Variants in TBC1D9 observed in about 807,000 individuals in gnomAD.
TBC1D9 encodes TBC1 domain family member 9, also known as TBC1 domain family member 9A.
Under a neutral mutation model 132.0 loss-of-function variants are expected in TBC1D9, and 63 were observed. The observed-to-expected ratio is 0.48, with a 90% confidence interval of 0.39 to 0.59. The LOEUF is 0.59. Ranked by LOEUF, TBC1D9 falls within the 20% of genes least tolerant of loss-of-function variation. The probability of loss-of-function intolerance (pLI) is 0.00; values close to 1 mark genes in which losing one functional copy is unlikely to be tolerated. For synonymous variants in TBC1D9, 610 were observed against 609.9 expected, an observed-to-expected ratio of 1.00 and a Z score of 0.00; for missense variants, 1,261 against 1,592.7, an observed-to-expected ratio of 0.79 and a Z score of 3.54.
At chr4:140,689,515 CCT>C (rs144309893) in intron 2 of TBC1D9, among the ~76,000 whole-genome samples, 14,987 of 106,764 alleles carry the variant, frequency 0.14, 1,358 homozygotes, top group African/African-American at 0.16. Flanking sequence ...TTCCCTTCCC[CCT>C]TTTCCCTTCC....
intron 10 of TBC1D9, 135 bp downstream of exon 10, chr4:140,661,758 T>C: frequency 4.2e-6 from 3 of 712,496 alleles, no homozygotes; most frequent in Non-Finnish European, 4.8e-6. Context: ...GTCCAGAGTG[T>C]CAACAGTGCC....
At chr4:140,743,322 A>C (rs950574963) in intron 1 of TBC1D9, among the ~76,000 whole-genome samples, 4 of 152,184 alleles carry the variant, frequency 2.6e-5, no homozygotes, top group African/African-American at 9.7e-5. Context: ...TGATGGGACA[A>C]TCATCTATGA....
intron 16 of TBC1D9, among the ~76,000 whole-genome samples, chr4:140,631,585 T>C (rs1033081611): frequency 7.0e-6 from 1 of 142,580 alleles, no homozygotes; most frequent in African/African-American, 2.7e-5. Context: ...TTTTCAGAAT[T>C]CATTTTTTAG....
intron 1 of TBC1D9, among the ~76,000 whole-genome samples, chr4:140,723,576 C>T (rs943780021): frequency 8.5e-5 from 13 of 152,120 alleles, no homozygotes; most frequent in Non-Finnish European, 1.2e-4. Flanking sequence ...TCAAGTGATC[C>T]GCCTGCCTCA....
chr4:140,756,017 A>C lies in TBC1D9; in HGVS notation c.29T>G (p.Leu10Arg), dbSNP rs1253491505. The change falls in exon 1 of 21, where the codon CTG (leucine) becomes CGG (arginine). Residue 10 changes from leucine (L) to arginine (R), a missense_variant. By Grantham distance (102) the Leu-to-Arg change is moderately radical. This residue lies in a region of TBC1D9 where 550 missense variants were observed against 699.0 expected (regional missense o/e 0.79). Transcript: ENST00000442267. This position sits in a 1 kb window ranked among gnomAD's most constrained non-coding sequence, Gnocchi z 5.6. The stretch of plus-strand genomic sequence containing the variant: ...CTCGGTGATCCACAGCGCGTTGGCC[A>C]GCAACACCTCCTCCGGGTTCACCCA... MWVNPEEVLLANALWITERA... is the reference protein window; with the variant it reads MWVNPEEVLRANALWITERA... 1.2e-6 allele frequency: 2 copies of C among 1,609,302 alleles called. No homozygotes were observed. Among genetic ancestry groups the C allele is most frequent in the African/African-American group, 2.7e-5 (2 of 74,332 alleles).
At chr4:140,673,962 A>T (rs1487560784) in intron 6 of TBC1D9, among the ~76,000 whole-genome samples, 1 of 152,184 alleles carries the variant, frequency 6.6e-6, no homozygotes, top group Non-Finnish European at 1.5e-5. Flanking sequence ...CGGCTTCCAG[A>T]CCCTCTCTGC....
At chr4:140,668,886 G>C in intron 9 of TBC1D9, 31 bp downstream of exon 9, 1 of 1,610,454 alleles carries the variant, frequency 6.2e-7, no homozygotes. Context: ...CACAGACTTT[G>C]ACGCCAGCAT....
At chr4:140,643,013 G>T in intron 13 of TBC1D9, 1 of 820,688 alleles carries the variant, frequency 1.2e-6, no homozygotes. Context: ...GGACGTCCAT[G>T]TCCTCCACGG....
intron 6 of TBC1D9, among the ~76,000 whole-genome samples, chr4:140,673,186 C>T (rs2111012141): frequency 6.6e-6 from 1 of 151,774 alleles, no homozygotes; most frequent in South Asian, 2.1e-4. Context: ...AAAAAAAATT[C>T]CTTCTCTTGC....
Position 140,669,199 on chromosome 4 carries a change from A to T in TBC1D9, c.1438-132T>A, listed in dbSNP as rs1016369741. The T allele has an allele frequency of 1.2e-5, 11 of 902,250 alleles. No individual in the cohort carries two copies. In the African/African-American group the frequency reaches 1.5e-4, roughly 12 times the overall value. 55.9% of individuals were successfully genotyped at this position (902,250 alleles called of 1,614,324 possible). On this transcript the variant is annotated intron_variant, in intron 8 of 20. Transcript: ENST00000442267. Reference sequence around the variant, plus strand: ...CAGAAAGAAGTCATGAGAAAAAGGAACTCAGATTTTCTGGAGTTCTTCTCT... The same window carrying T: ...CAGAAAGAAGTCATGAGAAAAAGGATCTCAGATTTTCTGGAGTTCTTCTCT...
chr4:140,644,336 G>T (rs773633327), intron 13 of TBC1D9: 16 of 277,540 alleles, frequency 5.8e-5, no homozygotes, highest in Non-Finnish European at 1.2e-4. Flanking sequence ...GCAGGCTGGT[G>T]GGGTGGGAGC....
Position 140,676,887 on chromosome 4 carries a change from T to C in TBC1D9, c.1059+7A>G. On this transcript the variant is annotated splice_region_variant and intron_variant, in intron 6 of 20. Transcript: ENST00000442267. ...ACTTAAAATATCAATTTTTATCAGATACTTACCTCACGGAGCGGGATAATG... is the reference window on the plus strand; with the variant it reads ...ACTTAAAATATCAATTTTTATCAGACACTTACCTCACGGAGCGGGATAATG... 6.2e-7 allele frequency: 1 copy of C among 1,613,702 alleles called. No homozygotes were observed. Among genetic ancestry groups the C allele is most frequent in the Non-Finnish European group, 8.5e-7 (1 of 1,179,770 alleles).
intron 2 of TBC1D9, among the ~76,000 whole-genome samples, chr4:140,691,232 G>C (rs1424585025): frequency 1.3e-5 from 2 of 152,100 alleles, no homozygotes; most frequent in African/African-American, 4.8e-5. Flanking sequence ...CCAGAAAAAA[G>C]GGTCCAAGTT....
At chr4:140,734,928 C>T (rs2111071694) in intron 1 of TBC1D9, among the ~76,000 whole-genome samples, 1 of 152,264 alleles carries the variant, frequency 6.6e-6, no homozygotes, top group African/African-American at 2.4e-5. Flanking sequence ...AAAAAGCAGT[C>T]TCAAAGAAGT....
At chr4:140,705,511 C>CATGT (rs1738136849) in intron 1 of TBC1D9, among the ~76,000 whole-genome samples, 1 of 114,318 alleles carries the variant, frequency 8.7e-6, no homozygotes, top group Non-Finnish European at 1.7e-5. Context: ...GGGGTGTGTG[C>CATGT]ATGTGTGTGT....
At chr4:140,742,684 T>G (rs749270136) in intron 1 of TBC1D9, among the ~76,000 whole-genome samples, 1 of 152,012 alleles carries the variant, frequency 6.6e-6, no homozygotes, top group Non-Finnish European at 1.5e-5. Context: ...GTTTTCAAAT[T>G]ACAAATTTCT....
At chr4:140,671,057 A>T in intron 6 of TBC1D9, 131 bp from the exon 7 acceptor site, 1 of 679,296 alleles carries the variant, frequency 1.5e-6, no homozygotes, top group Non-Finnish European at 2.5e-6. Flanking sequence ...ATTGAAGCAA[A>T]ACTGAGACTC....
intron 6 of TBC1D9, among the ~76,000 whole-genome samples, chr4:140,672,447 C>T (rs1737552822): frequency 6.6e-6 from 1 of 151,948 alleles, no homozygotes; most frequent in Non-Finnish European, 1.5e-5. Context: ...CCACAAAAGC[C>T]CCTTTTCTCA....
Position 140,634,114 on chromosome 4 carries a change from G to A in TBC1D9, c.2580C>T (p.Tyr860=), listed in dbSNP as rs1296064133. 2.5e-6 allele frequency: 4 copies of A among 1,613,902 alleles called. No individual in the cohort carries two copies. Among genetic ancestry groups the A allele is most frequent in the Non-Finnish European group, 2.5e-6 (3 of 1,179,906 alleles). Residue 860 remains tyrosine (Y), a synonymous_variant, in exon 16 of 21, where the codon TAC becomes TAT. Transcript: ENST00000442267. ...CGAAGTCAATGCGATACTGTTCCAG[G>A]TAGGGCAGGCTGGGGTCATGCCGGT... ...ALDRHDPSLP[Y]LEQYRIDFEQ...
Sources: gnomAD v4.1 joint callset for allele counts (sites outside exome capture counted in the v4.1 genomes callset) on GRCh38, gnomAD v4.1.1 for gene constraint, gnomAD v4.1.1 regional missense constraint, Gnocchi (gnomAD v3.1) non-coding constraint, MANE v1.5 for transcripts, NCBI Gene and HGNC (gene_info 2026-07-23, HGNC 2026-07-21) for gene names.